Variants in ROCK1 observed in about 807,000 individuals in gnomAD.
ROCK1 encodes Rho associated coiled-coil containing protein kinase 1.
In ROCK1, 36 loss-of-function variants were observed where a neutral mutation model predicts 196.8. That is an observed-to-expected ratio of 0.18 (90% confidence interval 0.14 to 0.24). The LOEUF (loss-of-function observed/expected upper bound fraction) is 0.24. Ranked by LOEUF, ROCK1 falls within the 10% of genes least tolerant of loss-of-function variation. The pLI, the probability that ROCK1 is intolerant of heterozygous loss-of-function variation, is 1.00. For synonymous variants in ROCK1, 443 were observed against 515.9 expected (o/e 0.86, Z 1.91); for missense variants, 920 against 1,562.0 (o/e 0.59, Z 6.93).
At chr18:21,100,500 AAACT>A (rs1254323327) in intron 1 of ROCK1, among the ~76,000 whole-genome samples, 6 of 152,106 alleles carry the variant, frequency 3.9e-5, no homozygotes, top group Non-Finnish European at 8.8e-5. Flanking sequence ...AAGACAGGAC[AAACT>A]GAGTATCAGC....
intron 1 of ROCK1, among the ~76,000 whole-genome samples, chr18:21,105,592 C>G (rs1008641607): frequency 4.4e-4 from 67 of 152,092 alleles, no homozygotes; most frequent in African/African-American, 1.5e-3. Context: ...CTGTAATAAC[C>G]CAATGTGTGG....
intron 1 of ROCK1, among the ~76,000 whole-genome samples, chr18:21,084,570 T>G (rs2036510064): frequency 6.6e-6 from 1 of 152,070 alleles, no homozygotes; most frequent in Non-Finnish European, 1.5e-5. Flanking sequence ...TTGACACCCA[T>G]TAGGATAGTT....
intron 4 of ROCK1, among the ~76,000 whole-genome samples, chr18:21,047,234 G>A (rs558691863): frequency 1.3e-5 from 2 of 152,238 alleles, no homozygotes; most frequent in African/African-American, 2.4e-5. Context: ...GACACTGAAC[G>A]TTCATGTATC....
intron 1 of ROCK1, among the ~76,000 whole-genome samples, chr18:21,102,535 A>G (rs2036667885): frequency 6.6e-6 from 1 of 152,210 alleles, no homozygotes; most frequent in East Asian, 1.9e-4. Context: ...GAATGAATGA[A>G]TAACAGAAAA....
intron 25 of ROCK1, 70 bp downstream of exon 25, chr18:20,968,702 G>C (rs1312678784): frequency 1.3e-5 from 12 of 914,714 alleles, no homozygotes; most frequent in Non-Finnish European, 2.0e-5. Context: ...CTTGGTTTTA[G>C]GAAAAAGTGC....
rs556836317 is a variant in ROCK1 at position 20,973,132 on chromosome 18, G to C, written c.2655-2619C>G. On this transcript the variant is annotated intron_variant, in intron 22 of 32. Coordinates refer to ENST00000399799, the MANE Select transcript of ROCK1 (RefSeq NM_005406.3). ...GACCTCAGGGAATCCACCCGCCTTG[G>C]CCTCCCAAAGTGCTGGGATTACAGG... Among the ~76,000 whole-genome samples, 8 of 152,324 alleles carry C rather than the reference G, an allele frequency of 5.3e-5. No homozygotes were observed. The East Asian group carries it at 1.5e-3, about 29-fold the overall frequency.
intron 2 of ROCK1, among the ~76,000 whole-genome samples, chr18:21,057,990 T>C (rs1159771895): frequency 6.6e-6 from 1 of 152,096 alleles, no homozygotes; most frequent in Non-Finnish European, 1.5e-5. Flanking sequence ...ATACATAGAG[T>C]ATTAGGTAAC....
chr18:20,969,208 G>A lies in ROCK1; in HGVS notation c.2821C>T (p.Leu941Phe), dbSNP rs533369278. Residue 941 changes from leucine (L) to phenylalanine (F), a missense_variant and splice_region_variant, in exon 24 of 33, where the codon CTT becomes TTT. Leu to Phe is a conservative substitution (Grantham distance 22). Coordinates refer to ENST00000399799, the MANE Select transcript of ROCK1 (RefSeq NM_005406.3). The part of the protein sequence containing the change: ...ITDKDHTVSR[L>F]EEANSMLTKD... ...GTTAGCATGCTGTTTGCTTCTTCAA[G>A]CTAAACAAAGCACACAAAAGTTTAA... The A allele has an allele frequency of 2.3e-5, 37 of 1,585,618 alleles. No individual in the cohort carries two copies. In the African/African-American group the frequency reaches 3.2e-4, roughly 14 times the overall value.
intron 2 of ROCK1, among the ~76,000 whole-genome samples, chr18:21,059,710 A>G (rs1167472587): frequency 1.3e-5 from 2 of 152,228 alleles, no homozygotes; most frequent in African/African-American, 4.8e-5. Flanking sequence ...AACAATAAAA[A>G]CATATGTCTA....
chr18:21,061,721 G>A lies in ROCK1; in HGVS notation c.175+8811C>T, dbSNP rs537791473. On this transcript the variant is annotated intron_variant, in intron 2 of 32. Transcript: ENST00000399799. Reference sequence around the variant, plus strand: ...CCTCATTGAAGGTGGTGAGGGAAAAGAAGCTGAACTACGTAATGCTGGAAA... The same window carrying A: ...CCTCATTGAAGGTGGTGAGGGAAAAAAAGCTGAACTACGTAATGCTGGAAA... Among the ~76,000 whole-genome samples the A allele has an allele frequency of 2.0e-5, 3 of 152,344 alleles. No individual in the cohort carries two copies. The South Asian group carries it at 6.2e-4, about 32-fold the overall frequency.
rs1286052760 is a variant in ROCK1, at chr18:20,950,536, GTTAAC to G, written c.*843_*847del. 4.6e-5 allele frequency: 7 copies of G among 151,974 alleles called. No individual in the cohort carries two copies. Among genetic ancestry groups the G allele is most frequent in the South Asian group, 2.1e-4 (1 of 4,780 alleles). 9.4% of individuals were successfully genotyped at this position (151,974 alleles called of 1,614,324 possible). A position where few individuals can be genotyped will look rare whatever the true frequency, so the allele number is the denominator to read the frequency against. On this transcript the variant is annotated 3_prime_UTR_variant, in exon 33 of 33. Transcript: ENST00000399799. The stretch of plus-strand genomic sequence containing the variant: ...CAGTGCATACATTTCTTATATGTTT[GTTAAC>G]TTAATGTCTTTATCATTTAAAACCA...
intron 9 of ROCK1, 138 bp from the exon 10 acceptor site, chr18:21,029,073 T>C: frequency 7.0e-6 from 5 of 713,382 alleles, no homozygotes; most frequent in Non-Finnish European, 1.2e-5. Context: ...TGAATCCTAT[T>C]ACATCAAGCT....
At chr18:21,085,767 A>G (rs376107775) in intron 1 of ROCK1, among the ~76,000 whole-genome samples, 2 of 152,376 alleles carry the variant, frequency 1.3e-5, no homozygotes, top group East Asian at 3.8e-4. Context: ...TATTTAACCC[A>G]TCACCACCTC....
intron 16 of ROCK1, among the ~76,000 whole-genome samples, chr18:21,002,485 T>C (rs1357936741): frequency 1.3e-5 from 2 of 152,206 alleles, no homozygotes; most frequent in Non-Finnish European, 2.9e-5. Context: ...AATAACTCAC[T>C]GTTCCAAAAA....
chr18:21,056,452 C>G (rs1598546401), intron 2 of ROCK1, among the ~76,000 whole-genome samples: 1 of 152,124 alleles, frequency 6.6e-6, no homozygotes. Flanking sequence ...CACATCCTAT[C>G]TTTCAGGAAA....
At chr18:21,085,992 G>C (rs1198999784) in intron 1 of ROCK1, among the ~76,000 whole-genome samples, 1 of 152,130 alleles carries the variant, frequency 6.6e-6, no homozygotes, top group East Asian at 1.9e-4. Context: ...AGATGGTTCA[G>C]ACTTTGGGGA....
At chr18:21,029,131 TG>T (rs1324286447) in intron 9 of ROCK1, among the ~76,000 whole-genome samples, 196 bp from the exon 10 acceptor site, 3 of 152,170 alleles carry the variant, frequency 2.0e-5, no homozygotes, top group Admixed American at 6.5e-5. Context: ...TGTAATTCTA[TG>T]AAACAATTAT....
rs767387967 is a variant in ROCK1, at chr18:21,006,496, G to A, written c.1740C>T (p.Ser580=). 49 of 1,613,608 alleles carry A rather than the reference G, an allele frequency of 3.0e-5. 1 individual carries two copies. The East Asian group carries it at 9.4e-4, about 31-fold the overall frequency. ...TTCTCTCTTGCAACTCTCTGTTCAG[G>A]GACTCTAACTGACTAATTGACTTGC... ...EMSKSISQLE[S]LNRELQERNR... is the part of the protein sequence containing the mutation. The change falls in exon 16 of 33, where the codon TCC becomes TCT. Residue 580 remains serine (S), a synonymous_variant. Coordinates refer to ENST00000399799, the MANE Select transcript of ROCK1 (RefSeq NM_005406.3).
At chr18:20,979,350 G>A (rs1598515750) in intron 22 of ROCK1, among the ~76,000 whole-genome samples, 1 of 152,266 alleles carries the variant, frequency 6.6e-6, no homozygotes, top group East Asian at 1.9e-4. Context: ...TAGCCCAGGC[G>A]TGGTGGCTAA....
Sources: allele counts gnomAD v4.1 joint callset (sites outside exome capture counted in the v4.1 genomes callset), GRCh38; gene constraint gnomAD v4.1.1; transcripts MANE v1.5; gene names NCBI Gene and HGNC (gene_info 2026-07-23, HGNC 2026-07-21).